NOTCH1: variants seen among roughly 807,000 people sequenced by gnomAD.
The protein encoded by NOTCH1 is notch receptor 1.
In NOTCH1, 37 loss-of-function variants were observed where a neutral mutation model predicts 254.8. The ratio of observed to expected loss-of-function variants is 0.15; its 90% CI spans 0.11 to 0.19. The LOEUF is 0.19. NOTCH1 is among the 10% of genes least tolerant of loss of function. The pLI is 1.00. For missense variants in NOTCH1, 2,972 were observed against 3,708.6 expected (o/e 0.80, Z 5.16); for synonymous variants, 1,731 against 1,618.1 (o/e 1.07, Z -1.68).
intron 20 of NOTCH1, 31 bp downstream of exon 20, chr9:136,508,201 G>A (rs758507395): frequency 5.0e-6 from 8 of 1,609,424 alleles, no homozygotes; most frequent in Non-Finnish European, 5.9e-6. Flanking sequence ...TGATGGGCTG[G>A]GACCCGAGCT....
At chr9:136,504,548 T>C in intron 26 of NOTCH1, 125 bp downstream of exon 26, 1 of 1,093,538 alleles carries the variant, frequency 9.1e-7, no homozygotes, top group Non-Finnish European at 1.3e-6. Context: ...GGAACCTCCG[T>C]CTCTTTTACC....
rs910485742 is a variant in NOTCH1 at position 136,523,766 on chromosome 9, G to A, written c.354C>T (p.Asp118=). The change falls in exon 3 of 34, where the codon GAC becomes GAT. Residue 118 remains aspartate, a synonymous_variant. Coordinates refer to ENST00000651671, the MANE Select transcript of NOTCH1 (RefSeq NM_017617.5). ...TNPCRNGGTC[D]LLTLTEYKCR... ...ACTTGTACTCCGTCAGCGTGAGCAG[G>A]TCGCAGGTGCCCCCGTTGCGGCAGG... The A allele has an allele frequency of 2.5e-6, 4 of 1,611,526 alleles. No individual in the cohort carries two copies. Among genetic ancestry groups the A allele is most frequent in the Non-Finnish European group, 3.4e-6 (4 of 1,179,656 alleles).
At chr9:136,534,656 C>T (rs537969822) in intron 2 of NOTCH1, among the ~76,000 whole-genome samples, 1 of 152,162 alleles carries the variant, frequency 6.6e-6, no homozygotes, top group South Asian at 2.1e-4. Flanking sequence ...GGGTTGGGTC[C>T]GGGCAGCATC....
At chr9:136,522,016 CG>C (rs1843374762) in intron 4 of NOTCH1, among the ~76,000 whole-genome samples, 1 of 146,716 alleles carries the variant, frequency 6.8e-6, no homozygotes, top group Admixed American at 6.8e-5. Context: ...CTCGCTCTGT[CG>C]CCCAGGCTGG....
At chr9:136,512,654 C>T (rs1006832074) in intron 15 of NOTCH1, among the ~76,000 whole-genome samples, 2 of 152,224 alleles carry the variant, frequency 1.3e-5, no homozygotes, top group Non-Finnish European at 2.9e-5. Context: ...AGCCCAGTGA[C>T]CCAGGCCCGG....
chr9:136,498,782 C>A (rs992687852), intron 33 of NOTCH1, 117 bp downstream of exon 33: 7 of 1,226,528 alleles, frequency 5.7e-6, no homozygotes, highest in Non-Finnish European at 7.1e-6. Flanking sequence ...GCGGGCCCAG[C>A]GACCCTCGAG....
In NOTCH1 at chr9:136,545,872, T is replaced by C. The variant is rs1843808655; in HGVS notation, c.-86A>G. ...TGGGACGCACACGCGCGGCGTACGG[T>C]CCCGGGGCGGCGGCGGACGGTCCCG... On this transcript the variant is annotated 5_prime_UTR_variant, in exon 1 of 34. Coordinates refer to ENST00000651671, the MANE Select transcript of NOTCH1 (RefSeq NM_017617.5). The surrounding 1 kb of genome is among the most constrained non-coding windows in gnomAD (Gnocchi z 6.8). The C allele has an allele frequency of 7.4e-6, 5 of 676,620 alleles. No homozygotes were observed. The South Asian group carries it at 3.4e-4, about 46-fold the overall frequency. 41.9% of individuals were successfully genotyped at this position (676,620 alleles called of 1,614,324 possible).
Position 136,500,601 on chromosome 9 carries a change from C to T in NOTCH1, c.5885G>A (p.Arg1962His), listed in dbSNP as rs1484525055. 3.1e-6 allele frequency: 5 copies of T among 1,611,804 alleles called. No homozygotes were observed. The highest frequency in any genetic ancestry group is 2.7e-5 in the African/African-American group (2 of 74,944). The change falls in exon 31 of 34, where the codon CGC becomes CAC. Residue 1962 changes from arginine (R) to histidine (H), a missense_variant. Arg to His is a conservative substitution (Grantham distance 29). Around this residue, in one of 8 missense-constraint regions of NOTCH1, gnomAD observed 421 missense variants for 604.4 expected, o/e 0.70. Coordinates refer to ENST00000651671, the MANE Select transcript of NOTCH1 (RefSeq NM_017617.5). ...ADANIQDNMG[R>H]TPLHAAVSAD... The stretch of plus-strand genomic sequence containing the variant: ...AGACACAGCCGCATGCAGCGGGGTG[C>T]GGCCCATGTTGTCCTGGATGTTGGC...
chr9:136,511,468 G>A lies in NOTCH1; in HGVS notation c.2468-197C>T, dbSNP rs143936898. Among the ~76,000 whole-genome samples the A allele has an allele frequency of 0.012, 1,883 of 152,292 alleles. 38 individuals carry two copies. Among genetic ancestry groups the A allele is most frequent in the African/African-American group, 0.044 (1,812 of 41,550 alleles). On this transcript the variant is annotated intron_variant, in intron 15 of 33. Transcript: ENST00000651671. Reference sequence around the variant, plus strand: ...GGGAGGAGTGGAGCACAGATGGGGGGACGCTGAAGACAAGCTGCACAAATG... The same window carrying A: ...GGGAGGAGTGGAGCACAGATGGGGGAACGCTGAAGACAAGCTGCACAAATG...
Position 136,513,217 on chromosome 9 carries a change from C to A in NOTCH1, c.2354-83G>T, listed in dbSNP as rs1443703007. On this transcript the variant is annotated intron_variant, in intron 14 of 33. Transcript: ENST00000651671. This position sits in a 1 kb window ranked among gnomAD's most constrained non-coding sequence, Gnocchi z 4.7. Reference sequence around the variant, plus strand: ...CCCCACAACAGCAGCCCTGGGCCTGCTCCCCACCCCAGGCCCCTCCTCATC... The same window carrying A: ...CCCCACAACAGCAGCCCTGGGCCTGATCCCCACCCCAGGCCCCTCCTCATC... The A allele has an allele frequency of 1.4e-6, 2 of 1,427,424 alleles. No individual in the cohort carries two copies. The highest frequency in any genetic ancestry group is 4.6e-5 in the East Asian group (2 of 43,606). The allele number at this position is 1,427,424 out of a possible 1,614,324, so 88.4% of individuals were successfully genotyped here. A position where few individuals can be genotyped will look rare whatever the true frequency, so the allele number is the denominator to read the frequency against.
rs1017531918 is a variant in NOTCH1 at position 136,540,806 on chromosome 9, T to C, written c.140+3218A>G. ...GCCTACCCCCATTTCTCCCAGCTCC[T>C]GGAAGACGCCCCGTGCCATTCTGAC... is the stretch of plus-strand genomic sequence containing the variant. On this transcript the variant is annotated intron_variant, in intron 2 of 33. Transcript: ENST00000651671. The surrounding 1 kb of genome is among the most constrained non-coding windows in gnomAD (Gnocchi z 4.4). Among the ~76,000 whole-genome samples the C allele has an allele frequency of 3.2e-4, 48 of 152,122 alleles. No individual in the cohort carries two copies. Among genetic ancestry groups the C allele is most frequent in the African/African-American group, 1.1e-3 (46 of 41,418 alleles).
Position 136,496,862 on chromosome 9 carries a change from C to A in NOTCH1, c.6877G>T (p.Ala2293Ser). Residue 2293 changes from alanine to serine, a missense_variant, in exon 34 of 34, where the codon GCC becomes TCC. Ala to Ser is a moderately conservative substitution (Grantham distance 99). Transcript: ENST00000651671. The stretch of plus-strand genomic sequence containing the variant: ...GACCCGCCCACAGTGAAATTCAGGG[C>A]CCCTCCGCTGCTGGAGCCCAGGACG... ...STVLGSSSGG[A>S]LNFTVGGSTS... The A allele has an allele frequency of 1.2e-6, 2 of 1,612,948 alleles. No homozygotes were observed. The highest frequency in any genetic ancestry group is 1.7e-6 in the Non-Finnish European group (2 of 1,180,002).
intron 22 of NOTCH1, 104 bp downstream of exon 22, chr9:136,507,201 T>C: frequency 2.5e-6 from 4 of 1,587,494 alleles, no homozygotes; most frequent in Non-Finnish European, 3.4e-6. Context: ...AAATGGGAGT[T>C]TCTGGCTGGT....
At chr9:136,517,110 G>A (rs918833225) in intron 9 of NOTCH1, among the ~76,000 whole-genome samples, 162 bp downstream of exon 9, 36 of 147,960 alleles carry the variant, frequency 2.4e-4, no homozygotes, top group African/African-American at 5.6e-4. Context: ...TCAGGAGGCC[G>A]GGGTGCGGAC....
At position 136,505,936 on chromosome 9, in the gene NOTCH1, G is replaced by A. The variant is rs1347768929; in HGVS notation, c.4015-55C>T. ...GGGGTGGGCCACCCCCCGCCCCCCC[G>A]CCACCTCACACCCAGCCCTCGGCCA... On this transcript the variant is annotated intron_variant, in intron 24 of 33. Coordinates refer to ENST00000651671, the MANE Select transcript of NOTCH1 (RefSeq NM_017617.5). 4.2e-5 allele frequency: 61 copies of A among 1,449,028 alleles called. No homozygotes were observed. The Middle Eastern group carries it at 9.5e-4, about 23-fold the overall frequency. 89.8% of individuals were successfully genotyped at this position (1,449,028 alleles called of 1,614,324 possible).
At chr9:136,535,830 TGG>T (rs1191023635) in intron 2 of NOTCH1, among the ~76,000 whole-genome samples, 3 of 72,950 alleles carry the variant, frequency 4.1e-5, no homozygotes, top group Admixed American at 1.9e-4. Context: ...GCAGGGTGGG[TGG>T]AGGGGGGATC....
intron 8 of NOTCH1, 24 bp downstream of exon 8, chr9:136,517,728 C>T (rs774671920): frequency 1.9e-6 from 3 of 1,612,194 alleles, no homozygotes; most frequent in African/African-American, 1.3e-5. Flanking sequence ...ACTCGGTTTC[C>T]CGCCCTGGCC....
chr9:136,498,761 G>A (rs927232287), intron 33 of NOTCH1, 138 bp downstream of exon 33: 3 of 944,030 alleles, frequency 3.2e-6, no homozygotes, highest in Non-Finnish European at 5.1e-6. Flanking sequence ...TCATGCGGGT[G>A]GGGCCCACAT....
intron 5 of NOTCH1, among the ~76,000 whole-genome samples, chr9:136,519,076 G>A (rs968165348): frequency 3.2e-4 from 48 of 152,210 alleles, no homozygotes; most frequent in African/African-American, 1.1e-3. Context: ...GGTAATTCCC[G>A]AACACAGGGC....
Sources: allele counts gnomAD v4.1 joint callset (sites outside exome capture counted in the v4.1 genomes callset), GRCh38; gene constraint gnomAD v4.1.1; regional missense constraint gnomAD v4.1.1; non-coding constraint Gnocchi (gnomAD v3.1); transcripts MANE v1.5; gene names NCBI Gene and HGNC (gene_info 2026-07-23, HGNC 2026-07-21).